SCAF8: variants seen among roughly 807,000 people sequenced by gnomAD.
The protein encoded by SCAF8 is SR-related and CTD-associated factor 8.
Under a neutral mutation model 140.5 loss-of-function variants are expected in SCAF8, and 23 were observed. That is an observed-to-expected ratio of 0.16 (90% CI 0.12 to 0.23). The LOEUF (loss-of-function observed/expected upper bound fraction) is 0.23, where lower values mean the gene tolerates loss of function less well. Ranked by LOEUF, SCAF8 falls within the 10% of genes least tolerant of loss-of-function variation. The probability of loss-of-function intolerance (pLI) is 1.00; values close to 1 mark genes in which losing one functional copy is unlikely to be tolerated. For missense variants in SCAF8, 1,397 were observed against 1,555.7 expected, an observed-to-expected ratio of 0.90 and a Z score of 1.72; for synonymous variants, 575 against 528.9, an observed-to-expected ratio of 1.09 and a Z score of -1.20.
chr6:154,804,720 A>G (rs956427535), intron 8 of SCAF8, among the ~76,000 whole-genome samples: 1 of 152,096 alleles, frequency 6.6e-6, no homozygotes, highest in African/African-American at 2.4e-5. Context: ...AACTGTTTCA[A>G]GACTTCTCAC....
chr6:154,831,072 C>G lies in SCAF8; in HGVS notation c.2291C>G (p.Ala764Gly). 3.1e-6 allele frequency: 5 copies of G among 1,613,918 alleles called. No homozygotes were observed. Among genetic ancestry groups the G allele is most frequent in the Non-Finnish European group, 4.2e-6 (5 of 1,179,860 alleles). The change falls in exon 19 of 20, where the codon GCA becomes GGA. Residue 764 changes from alanine (A) to glycine (G), a missense_variant. Ala to Gly is a moderately conservative substitution (Grantham distance 60). Transcript: ENST00000367178. ...GNVFNAPTKQ[A>G]EPEEKVPHLI... ...GTTTTTAATGCTCCAACTAAACAGGCAGAGCCTGAAGAAAAAGTACCTCAT... is the reference window on the plus strand; with the variant it reads ...GTTTTTAATGCTCCAACTAAACAGGGAGAGCCTGAAGAAAAAGTACCTCAT...
At chr6:154,796,473 T>G (rs928778341) in intron 6 of SCAF8, among the ~76,000 whole-genome samples, 12 of 152,258 alleles carry the variant, frequency 7.9e-5, no homozygotes, top group African/African-American at 2.9e-4. Context: ...TTTGTTTTGC[T>G]TTGAAGTGTA....
chr6:154,780,480 C>T (rs1016409879), intron 3 of SCAF8, among the ~76,000 whole-genome samples: 2 of 151,638 alleles, frequency 1.3e-5, no homozygotes, highest in East Asian at 1.9e-4. Context: ...AGGTTTTAAG[C>T]CCCACATACA....
At chr6:154,772,866 TCTC>T (rs1776810787) in intron 1 of SCAF8, among the ~76,000 whole-genome samples, 2 of 152,084 alleles carry the variant, frequency 1.3e-5, no homozygotes, top group African/African-American at 4.8e-5. Flanking sequence ...TTCAAGCAGT[TCTC>T]CTGCCTCAGC....
chr6:154,760,350 A>C (rs1486500451), intron 1 of SCAF8, among the ~76,000 whole-genome samples: 1 of 152,162 alleles, frequency 6.6e-6, no homozygotes, highest in African/African-American at 2.4e-5. Flanking sequence ...TTTAAAAATT[A>C]AAGAGGATTT....
chr6:154,795,231 C>CT (rs1777566718), intron 6 of SCAF8, 92 bp downstream of exon 6: 2 of 1,111,772 alleles, frequency 1.8e-6, no homozygotes, highest in Non-Finnish European at 2.4e-6. Flanking sequence ...AGAATATGTG[C>CT]TTTTTTTAGT....
chr6:154,742,083 G>C, intron 1 of SCAF8: 1 of 1,069,882 alleles, frequency 9.3e-7, no homozygotes, highest in Non-Finnish European at 1.4e-6. Flanking sequence ...ATTGGTAGTG[G>C]AATAGTGTAT....
At chr6:154,733,381 G>T, upstream of SCAF8, 8 of 1,315,092 alleles carry the variant, frequency 6.1e-6, no homozygotes, top group East Asian at 3.1e-5. Context: ...CGGCGCCGCG[G>T]ATCCCCGAAC....
intron 1 of SCAF8, among the ~76,000 whole-genome samples, chr6:154,766,352 T>G (rs1410603824): frequency 6.6e-6 from 1 of 152,198 alleles, no homozygotes; most frequent in East Asian, 1.9e-4. Flanking sequence ...TCTAAAAATG[T>G]TTCTATACCA....
chr6:154,751,736 T>A (rs1465151758), intron 1 of SCAF8, among the ~76,000 whole-genome samples: 1 of 152,226 alleles, frequency 6.6e-6, no homozygotes, highest in African/African-American at 2.4e-5. Flanking sequence ...ATCTTGGTAG[T>A]ATTTATGTTT....
chr6:154,761,163 A>T (rs930844764), intron 1 of SCAF8, among the ~76,000 whole-genome samples: 3 of 151,998 alleles, frequency 2.0e-5, no homozygotes, highest in African/African-American at 7.2e-5. Context: ...ATTAGGTATA[A>T]CATTTCAGAT....
chr6:154,791,716 T>C (rs1423474007), intron 4 of SCAF8, among the ~76,000 whole-genome samples: 3 of 152,166 alleles, frequency 2.0e-5, no homozygotes. Flanking sequence ...CGTAAATATT[T>C]CATGAATTTT....
chr6:154,751,568 C>G (rs1429237076), intron 1 of SCAF8, among the ~76,000 whole-genome samples: 3 of 152,082 alleles, frequency 2.0e-5, no homozygotes, highest in African/African-American at 7.2e-5. Flanking sequence ...ATCTGAAAGA[C>G]TCGTTTTACA....
intron 1 of SCAF8, among the ~76,000 whole-genome samples, chr6:154,745,115 C>G (rs1273179311): frequency 6.6e-6 from 1 of 152,192 alleles, no homozygotes; most frequent in East Asian, 1.9e-4. Flanking sequence ...ACCTTACATT[C>G]ACTTGTCTTA....
intron 15 of SCAF8, among the ~76,000 whole-genome samples, chr6:154,821,048 G>T (rs181829812): frequency 6.6e-6 from 1 of 151,992 alleles, no homozygotes; most frequent in Admixed American, 6.6e-5. Context: ...TTCCTGTCAG[G>T]CCTATTCCTC....
rs567040096 is a variant in SCAF8, at chr6:154,831,987, C to T, written c.2408C>T (p.Pro803Leu). The T allele has an allele frequency of 1.5e-5, 24 of 1,612,432 alleles. No homozygotes were observed. Among genetic ancestry groups the T allele is most frequent in the African/African-American group, 1.3e-4 (10 of 74,864 alleles). The change falls in exon 20 of 20, where the codon CCG becomes CTG. Residue 803 changes from proline (P) to leucine (L), a missense_variant. This residue lies in a region of SCAF8 where 930 missense variants were observed against 874.6 expected (regional missense o/e 1.06). Transcript: ENST00000367178. Reference protein sequence around the residue: ...SSNAAILGGQPPNVTSNSGIL... With the variant: ...SSNAAILGGQLPNVTSNSGIL... ...AATGCTGCAATTTTAGGAGGACAGC[C>T]GCCAAATGTGACAAGCAATTCTGGA...
intron 10 of SCAF8, among the ~76,000 whole-genome samples, 192 bp downstream of exon 10, chr6:154,808,393 T>C (rs1163971078): frequency 6.8e-6 from 1 of 147,122 alleles, no homozygotes; most frequent in East Asian, 1.9e-4. Context: ...GGCCCAGAAC[T>C]GCTTTGAATG....
chr6:154,792,912 G>C lies in SCAF8; in HGVS notation c.411G>C (p.Gly137=). ...AGCCCCTTTTGGATATGGCAGCCGG[G>C]ATTCCGCCTCCAGTTGTCACACCTG... is the stretch of plus-strand genomic sequence containing the variant. ...IIQPLLDMAA[G]IPPPVVTPVL... The change falls in exon 5 of 20, where the codon GGG becomes GGC. Residue 137 remains glycine (G), a synonymous_variant. Coordinates refer to ENST00000367178, the MANE Select transcript of SCAF8 (RefSeq NM_014892.5). 6.2e-7 allele frequency: 1 copy of C among 1,613,864 alleles called. No individual in the cohort carries two copies. Among genetic ancestry groups the C allele is most frequent in the Non-Finnish European group, 8.5e-7 (1 of 1,179,874 alleles).
rs757682540 is a variant in SCAF8 at position 154,832,435 on chromosome 6, C to G, written c.2856C>G (p.Ile952Met). The part of the protein sequence containing the change: ...IQPGIPPQRG[I>M]PPPSVLDSAL... ...CTGGAATTCCACCCCAACGGGGAAT[C>G]CCACCCCCATCGGTACTTGATTCAG... The change falls in exon 20 of 20, where the codon ATC becomes ATG. Residue 952 changes from isoleucine (I) to methionine (M), a missense_variant. This residue lies in a region of SCAF8 where 930 missense variants were observed against 874.6 expected (regional missense o/e 1.06). Transcript: ENST00000367178. 2.5e-6 allele frequency: 4 copies of G among 1,614,002 alleles called. No individual in the cohort carries two copies. In the Admixed American group the frequency reaches 5.0e-5, roughly 20 times the overall value.
Sources: allele counts gnomAD v4.1 joint callset (sites outside exome capture counted in the v4.1 genomes callset), GRCh38; gene constraint gnomAD v4.1.1; regional missense constraint gnomAD v4.1.1; transcripts MANE v1.5; gene names NCBI Gene and HGNC (gene_info 2026-07-23, HGNC 2026-07-21).